The following SLC12A2 variants were observed in gnomAD, a reference collection of about 807,000 sequenced individuals.
SLC12A2 encodes the protein Na-K-2Cl cotransporter 1.
A neutral mutation model predicts 136.3 loss-of-function variants in SLC12A2; 67 were observed. That is an observed-to-expected ratio of 0.49 (90% CI 0.40 to 0.60). The LOEUF is 0.60. Among genes scored for constraint, SLC12A2 ranks in the 20% least tolerant of loss-of-function variants. The pLI, the probability that SLC12A2 is intolerant of heterozygous loss-of-function variation, is 0.00. For missense variants in SLC12A2, 1,322 were observed against 1,534.7 expected, an observed-to-expected ratio of 0.86 and a Z score of 2.32; for synonymous variants, 619 against 562.9, an observed-to-expected ratio of 1.10 and a Z score of -1.41.
chr5:128,180,082 G>T (rs1161779066), intron 22 of SLC12A2, among the ~76,000 whole-genome samples: 1 of 142,522 alleles, frequency 7.0e-6, no homozygotes, highest in East Asian at 2.2e-4. Context: ...CCATTCTCCT[G>T]CCTCAGCCTC....
chr5:128,135,613 C>T, intron 6 of SLC12A2, 87 bp from the exon 7 acceptor site: 10 of 873,760 alleles, frequency 1.1e-5, no homozygotes, highest in Non-Finnish European at 1.1e-5. Flanking sequence ...GAAATTCTTT[C>T]CCTCATGGAA....
At chr5:128,160,723 TTC>T (rs1262000281) in intron 16 of SLC12A2, among the ~76,000 whole-genome samples, 6 of 152,186 alleles carry the variant, frequency 3.9e-5, no homozygotes, top group Non-Finnish European at 7.4e-5. Context: ...TTGGATCAGC[TTC>T]TCTCTCAATT....
intron 22 of SLC12A2, among the ~76,000 whole-genome samples, 186 bp downstream of exon 22, chr5:128,178,875 G>A (rs972067819): frequency 4.6e-5 from 7 of 152,106 alleles, no homozygotes; most frequent in African/African-American, 1.2e-4. Context: ...TCCCTAATGC[G>A]GAGGTTGTTC....
intron 5 of SLC12A2, among the ~76,000 whole-genome samples, chr5:128,131,554 A>G (rs1012817374): frequency 1.4e-5 from 2 of 143,122 alleles, no homozygotes; most frequent in African/African-American, 5.5e-5. Context: ...AAAAAAAAAA[A>G]TCAGCTGGGC....
chr5:128,118,015 A>T (rs2126677262), intron 4 of SLC12A2, among the ~76,000 whole-genome samples: 1 of 152,320 alleles, frequency 6.6e-6, no homozygotes, highest in Middle Eastern at 3.4e-3. Context: ...CCTCGATGAG[A>T]TACCATCTTA....
chr5:128,141,276 G>A (rs1006712497), intron 9 of SLC12A2, among the ~76,000 whole-genome samples: 3 of 152,040 alleles, frequency 2.0e-5, no homozygotes, highest in Admixed American at 6.6e-5. Flanking sequence ...TGCTCTATGG[G>A]TTCTTTTTAA....
chr5:128,167,461 A>T (rs1354524627), intron 17 of SLC12A2, among the ~76,000 whole-genome samples: 1 of 152,140 alleles, frequency 6.6e-6, no homozygotes, highest in African/African-American at 2.4e-5. Flanking sequence ...AAAAGATTAT[A>T]TTCTCTTTCT....
rs189720605 is a variant in SLC12A2 at position 128,154,402 on chromosome 5, G to A, written c.2363+1597G>A. ...ACTACATGCTAGCCTGGGCAACAGCGAGACCCTGTCTCAAAAAAAAAAAAA... is the reference window on the plus strand; with the variant it reads ...ACTACATGCTAGCCTGGGCAACAGCAAGACCCTGTCTCAAAAAAAAAAAAA... On this transcript the variant is annotated intron_variant, in intron 15 of 26. Coordinates refer to ENST00000262461, the MANE Select transcript of SLC12A2 (RefSeq NM_001046.3). Among the ~76,000 whole-genome samples the A allele has an allele frequency of 1.1e-3, 172 of 150,626 alleles. 2 individuals carry two copies. Among genetic ancestry groups the A allele is most frequent in the African/African-American group, 4.0e-3 (162 of 40,976 alleles).
intron 7 of SLC12A2, 145 bp from the exon 8 acceptor site, chr5:128,138,452 A>G (rs1762253938): frequency 3.0e-6 from 2 of 659,256 alleles, no homozygotes; most frequent in East Asian, 5.4e-5. Context: ...AACACCAAAT[A>G]CTTGAACTGG....
intron 16 of SLC12A2, among the ~76,000 whole-genome samples, chr5:128,158,666 G>A (rs1054627512): frequency 1.3e-5 from 2 of 152,230 alleles, no homozygotes; most frequent in South Asian, 2.1e-4. Flanking sequence ...ATGAACGTAC[G>A]CATGCATGTG....
chr5:128,173,499 T>G (rs1299783288), intron 19 of SLC12A2, among the ~76,000 whole-genome samples: 1 of 152,224 alleles, frequency 6.6e-6, no homozygotes, highest in South Asian at 2.1e-4. Context: ...TGCCTTATTA[T>G]TCATCATTAA....
At position 128,184,041 on chromosome 5, in the gene SLC12A2, G is replaced by A. The variant is rs532249012; in HGVS notation, c.3300-325G>A. Among the ~76,000 whole-genome samples the A allele has an allele frequency of 1.8e-4, 28 of 152,052 alleles. 1 individual carries two copies. In the South Asian group the frequency reaches 5.0e-3, roughly 27 times the overall value. The stretch of plus-strand genomic sequence containing the variant: ...TTTAGCATTCCTAATCCAAAAATCA[G>A]AAATTTAAAATGTTCCACTGAGCAT... On this transcript the variant is annotated intron_variant, in intron 24 of 26. Transcript: ENST00000262461.
At chr5:128,114,132 C>A in intron 2 of SLC12A2, 80 bp from the exon 3 acceptor site, 2 of 998,810 alleles carry the variant, frequency 2.0e-6, no homozygotes, top group Non-Finnish European at 3.1e-6. Context: ...GCATGTTCTA[C>A]TTTGACTGGT....
intron 5 of SLC12A2, among the ~76,000 whole-genome samples, chr5:128,133,293 C>T (rs1008205948): frequency 2.0e-5 from 3 of 151,964 alleles, no homozygotes; most frequent in Admixed American, 6.6e-5. Context: ...ACTTTCTATG[C>T]CTTCAGTTGA....
chr5:128,167,327 A>G (rs1440628402), intron 17 of SLC12A2, among the ~76,000 whole-genome samples: 6 of 152,176 alleles, frequency 3.9e-5, no homozygotes, highest in African/African-American at 1.4e-4. Flanking sequence ...CATGATTGGT[A>G]GAACAAATTC....
chr5:128,114,099 A>G (rs559459096), intron 2 of SLC12A2, 113 bp from the exon 3 acceptor site: 56 of 759,586 alleles, frequency 7.4e-5, no homozygotes, highest in Non-Finnish European at 1.1e-4. Flanking sequence ...ATTTAAAACT[A>G]CATATCTTCT....
rs1479270917 is a variant in SLC12A2 at position 128,184,493 on chromosome 5, A to G, written c.3427A>G (p.Lys1143Glu). ...RITDNELELY[K>E]TKTYRQIRLN... ...AACAGATAATGAGCTTGAACTTTAT[A>G]AGACCAAGGTATTCTCTTCTGCTTC... Residue 1143 changes from lysine to glutamate, a missense_variant, in exon 25 of 27, where the codon AAG becomes GAG. Physicochemically the swap from Lys to Glu is moderately conservative, Grantham distance 56 (BLOSUM62 1). Coordinates refer to ENST00000262461, the MANE Select transcript of SLC12A2 (RefSeq NM_001046.3). The G allele has an allele frequency of 1.3e-6, 2 of 1,595,534 alleles. No individual in the cohort carries two copies. The highest frequency in any genetic ancestry group is 1.7e-4 in the Middle Eastern group (1 of 5,944).
intron 4 of SLC12A2, among the ~76,000 whole-genome samples, chr5:128,127,698 G>T (rs1761869115): frequency 6.6e-6 from 1 of 151,816 alleles, no homozygotes; most frequent in African/African-American, 2.4e-5. Flanking sequence ...ATTTCATCTA[G>T]TTGCAAAATC....
At chr5:128,096,868 C>A (rs570781824) in intron 1 of SLC12A2, among the ~76,000 whole-genome samples, 1 of 151,966 alleles carries the variant, frequency 6.6e-6, no homozygotes, top group Middle Eastern at 3.2e-3. Flanking sequence ...CTTGCAGGAA[C>A]AGAAGATAAG....
Sources: allele counts gnomAD v4.1 joint callset (sites outside exome capture counted in the v4.1 genomes callset), GRCh38; gene constraint gnomAD v4.1.1; transcripts MANE v1.5; gene names NCBI Gene and HGNC (gene_info 2026-07-23, HGNC 2026-07-21).